DNAAF6: variants seen among roughly 807,000 people sequenced by gnomAD.
The protein encoded by DNAAF6 is dynein axonemal assembly factor 6.
A neutral mutation model predicts 13.7 loss-of-function variants in DNAAF6; 3 were observed. The ratio of observed to expected loss-of-function variants is 0.22; its 90% CI spans 0.10 to 0.56. DNAAF6 has a LOEUF of 0.56. Among genes scored for constraint, DNAAF6 ranks in the 20% least tolerant of loss-of-function variants. The pLI, the probability that DNAAF6 is intolerant of heterozygous loss-of-function variation, is 0.92. For synonymous variants in DNAAF6, 54 were observed against 49.2 expected (o/e 1.10, Z -0.41); for missense variants, 130 against 151.0 (o/e 0.86, Z 0.73).
At chrX:107,240,417 G>A (rs1453322218) in intron 6 of DNAAF6, among the ~76,000 whole-genome samples, 3 of 111,435 alleles carry the variant, frequency 2.7e-5, no homozygotes, top group Non-Finnish European at 3.8e-5. Context: ...TTGCATTATC[G>A]GGAATGTGTC....
chrX:107,243,158 T>C lies in DNAAF6; in HGVS notation c.516-11T>C, dbSNP rs1359356357. On this transcript the variant is annotated splice_polypyrimidine_tract_variant and intron_variant, in intron 6 of 6. Coordinates refer to ENST00000372453, the MANE Select transcript of DNAAF6 (RefSeq NM_173494.2). ...AGGAAGCTAAGGTTTTATTTTGTTG[T>C]TTTTTTTTAGGAAGCTGTTGATAAC... The C allele has an allele frequency of 1.7e-6, 2 of 1,176,145 alleles. No homozygotes were observed. The highest frequency in any genetic ancestry group is 1.1e-6 in the Non-Finnish European group (1 of 877,534).
At chrX:107,215,561 G>C (rs1927959111) in intron 2 of DNAAF6, among the ~76,000 whole-genome samples, 1 of 112,045 alleles carries the variant, frequency 8.9e-6, no homozygotes, top group Non-Finnish European at 1.9e-5. Flanking sequence ...GAAAGGAATA[G>C]TTACTGTCTC....
intron 4 of DNAAF6, among the ~76,000 whole-genome samples, chrX:107,221,519 C>T (rs1437138503): frequency 1.8e-5 from 2 of 111,710 alleles, no homozygotes; most frequent in Non-Finnish European, 3.8e-5. Flanking sequence ...AGTTGAGAGC[C>T]ACCATGACTA....
intron 1 of DNAAF6, among the ~76,000 whole-genome samples, chrX:107,208,205 G>A (rs1439934232): frequency 9.0e-6 from 1 of 110,675 alleles, no homozygotes; most frequent in African/African-American, 3.3e-5. Context: ...ACCCATCTGG[G>A]CTACACGGTG....
chrX:107,239,428 A>G (rs1267947250), intron 6 of DNAAF6, among the ~76,000 whole-genome samples: 1 of 111,926 alleles, frequency 8.9e-6, no homozygotes, highest in Non-Finnish European at 1.9e-5. Flanking sequence ...TAAATCAACA[A>G]AAAGATCTTG....
intron 5 of DNAAF6, among the ~76,000 whole-genome samples, chrX:107,236,129 G>T (rs1182815469): frequency 9.0e-6 from 1 of 111,314 alleles, no homozygotes; most frequent in Admixed American, 9.6e-5. Flanking sequence ...GTGAGAGCCT[G>T]TCTCAAAAAT....
At chrX:107,208,540 A>ATT (rs528467758) in intron 1 of DNAAF6, among the ~76,000 whole-genome samples, 217 of 100,289 alleles carry the variant, frequency 2.2e-3, no homozygotes, top group African/African-American at 7.4e-3. Context: ...AAAAGACGCA[A>ATT]TTTTTTTTTT....
chrX:107,227,072 T>G (rs1252724988), intron 5 of DNAAF6, among the ~76,000 whole-genome samples: 2 of 112,456 alleles, frequency 1.8e-5, no homozygotes, highest in African/African-American at 3.2e-5. Flanking sequence ...TCCTGATTTC[T>G]TTCTTAAGGT....
intron 5 of DNAAF6, among the ~76,000 whole-genome samples, chrX:107,229,212 A>G (rs1160504276): frequency 1.1e-5 from 1 of 88,391 alleles, no homozygotes; most frequent in Non-Finnish European, 2.1e-5. Flanking sequence ...ATCTTGGCTC[A>G]CTGCAAACTC....
chrX:107,233,555 G>T (rs1176253785), intron 5 of DNAAF6, among the ~76,000 whole-genome samples: 1 of 110,720 alleles, frequency 9.0e-6, no homozygotes, highest in Non-Finnish European at 1.9e-5. Flanking sequence ...TATTTTTTAG[G>T]TTCCACATTT....
Position 107,243,813 on chromosome X carries a change from G to T in DNAAF6, c.*515G>T, listed in dbSNP as rs1390356027. 1 of 112,953 alleles carries T rather than the reference G, an allele frequency of 8.9e-6. No individual in the cohort carries two copies. Among genetic ancestry groups the T allele is most frequent in the Non-Finnish European group, 1.9e-5 (1 of 53,454 alleles). 9.3% of individuals were successfully genotyped at this position (112,953 alleles called of 1,213,427 possible). A position where few individuals can be genotyped will look rare whatever the true frequency, so the allele number is the denominator to read the frequency against. On this transcript the variant is annotated 3_prime_UTR_variant, in exon 7 of 7. Coordinates refer to ENST00000372453, the MANE Select transcript of DNAAF6 (RefSeq NM_173494.2). ...CATAATTGAAATATGATCATGAAAT[G>T]GTTGGTCCACTTACTTCAGTAGTCT...
intron 5 of DNAAF6, among the ~76,000 whole-genome samples, chrX:107,224,646 G>A (rs1466797028): frequency 2.7e-5 from 3 of 110,215 alleles, no homozygotes; most frequent in African/African-American, 9.9e-5. Context: ...GGAAATGTGG[G>A]GATGGTTAAT....
chrX:107,225,989 A>G (rs1287359582), intron 5 of DNAAF6, among the ~76,000 whole-genome samples: 1 of 111,800 alleles, frequency 8.9e-6, no homozygotes, highest in African/African-American at 3.2e-5. Flanking sequence ...TTCTTTCCAA[A>G]TAAAATTCTA....
intron 5 of DNAAF6, among the ~76,000 whole-genome samples, chrX:107,237,266 A>T (rs1486069513): frequency 8.9e-6 from 1 of 112,153 alleles, no homozygotes; most frequent in Non-Finnish European, 1.9e-5. Context: ...CTCATAACTT[A>T]CTGCTTTCCC....
At chrX:107,213,646 T>C (rs759877912) in intron 2 of DNAAF6, among the ~76,000 whole-genome samples, 10 of 111,581 alleles carry the variant, frequency 9.0e-5, no homozygotes, top group Non-Finnish European at 1.7e-4. Flanking sequence ...GAAGAGTTCA[T>C]TGAACTGACC....
chrX:107,243,068 G>T, intron 6 of DNAAF6, 101 bp from the exon 7 acceptor site: 2 of 901,286 alleles, frequency 2.2e-6, no homozygotes, highest in African/African-American at 2.1e-5. Context: ...GGGGGGGGTT[G>T]TTTTCTAACA....
intron 6 of DNAAF6, among the ~76,000 whole-genome samples, chrX:107,240,698 T>C (rs917263586): frequency 2.9e-4 from 33 of 111,892 alleles, no homozygotes; most frequent in African/African-American, 1.0e-3. Context: ...TTCAATTGGT[T>C]GTTTTGGCAT....
At chrX:107,218,763 G>A (rs1602680415) in intron 3 of DNAAF6, 101 bp from the exon 4 acceptor site, 2 of 788,111 alleles carry the variant, frequency 2.5e-6, no homozygotes, top group African/African-American at 4.4e-5. Context: ...TACAAATAAT[G>A]TTTTATTTCA....
chrX:107,208,068 A>T (rs965423087), intron 1 of DNAAF6, among the ~76,000 whole-genome samples: 1 of 111,307 alleles, frequency 9.0e-6, no homozygotes, highest in African/African-American at 3.3e-5. Context: ...ACTATAGAGC[A>T]TTCGATAATT....
Sources: gnomAD v4.1 joint callset for allele counts (sites outside exome capture counted in the v4.1 genomes callset) on GRCh38, gnomAD v4.1.1 for gene constraint, MANE v1.5 for transcripts, NCBI Gene and HGNC (gene_info 2026-07-23, HGNC 2026-07-21) for gene names.